Variants in GPAM observed in about 807,000 individuals in gnomAD.
The protein encoded by GPAM is glycerol-3-phosphate acyltransferase 1, mitochondrial.
Under a neutral mutation model 105.0 loss-of-function variants are expected in GPAM, and 56 were observed. That is an observed-to-expected ratio of 0.53 (90% CI 0.43 to 0.67). The LOEUF (loss-of-function observed/expected upper bound fraction) is 0.67. Among genes scored for constraint, GPAM ranks in the 30% least tolerant of loss-of-function variants. The probability of loss-of-function intolerance (pLI) is 0.00; values close to 1 mark genes in which losing one functional copy is unlikely to be tolerated. For missense variants in GPAM, 855 were observed against 989.8 expected (o/e 0.86, Z 1.83); for synonymous variants, 368 against 354.4 (o/e 1.04, Z -0.43).
intron 6 of GPAM, among the ~76,000 whole-genome samples, chr10:112,175,198 T>G (rs190755151): frequency 6.6e-6 from 1 of 152,196 alleles, no homozygotes; most frequent in Non-Finnish European, 1.5e-5. Context: ...GTACAAGAAT[T>G]TGTACCTAGA....
chr10:112,225,112 G>C, the GPAM span, among the ~76,000 whole-genome samples: 1 of 152,252 alleles, frequency 6.6e-6, no homozygotes, highest in East Asian at 1.9e-4. Context: ...AGGGGTCTCC[G>C]CCAGAATGGG....
intron 14 of GPAM, among the ~76,000 whole-genome samples, chr10:112,162,618 G>A (rs749282627): frequency 6.6e-5 from 10 of 151,844 alleles, no homozygotes; most frequent in Non-Finnish European, 1.0e-4. Context: ...AACTGAAGTC[G>A]TCTCCAGTGT....
upstream of GPAM, among the ~76,000 whole-genome samples, chr10:112,215,962 G>C (rs1319423997): frequency 6.6e-6 from 1 of 152,140 alleles, no homozygotes; most frequent in Non-Finnish European, 1.5e-5. Context: ...TTATTGCTCT[G>C]TTCGGCTTAT....
chr10:112,195,802 C>A (rs1201940530), intron 1 of GPAM, among the ~76,000 whole-genome samples: 2 of 152,174 alleles, frequency 1.3e-5, no homozygotes, highest in African/African-American at 2.4e-5. Context: ...GGGTGCATGG[C>A]TGTTATAACT....
chr10:112,160,981 T>A, intron 15 of GPAM, 113 bp from the exon 16 acceptor site: 2 of 864,864 alleles, frequency 2.3e-6, no homozygotes, highest in Non-Finnish European at 1.9e-6. Context: ...AGCTCACTGC[T>A]AGCACATAGA....
chr10:112,200,912 C>T (rs1267364852), intron 1 of GPAM, among the ~76,000 whole-genome samples: 2 of 152,154 alleles, frequency 1.3e-5, no homozygotes, highest in Non-Finnish European at 2.9e-5. Flanking sequence ...GGGCTGTCCA[C>T]AACTGTTCAA....
intron 11 of GPAM, 140 bp from the exon 12 acceptor site, chr10:112,166,655 G>A (rs1847223330): frequency 1.6e-5 from 11 of 698,634 alleles, no homozygotes; most frequent in South Asian, 1.2e-4. Context: ...AAGGAAAGGA[G>A]GTAATCATTA....
upstream of GPAM, among the ~76,000 whole-genome samples, chr10:112,187,036 T>G (rs1488419222): frequency 1.3e-5 from 2 of 152,214 alleles, no homozygotes; most frequent in African/African-American, 4.8e-5. Flanking sequence ...TAAACTGTAA[T>G]AAGTTAAAAA....
intron 1 of GPAM, among the ~76,000 whole-genome samples, chr10:112,195,076 C>G (rs534789383): frequency 6.6e-6 from 1 of 152,072 alleles, no homozygotes; most frequent in Non-Finnish European, 1.5e-5. Context: ...ACTGGCTACC[C>G]ATCCAGACAT....
chr10:112,174,903 C>T (rs1362666811), intron 6 of GPAM, among the ~76,000 whole-genome samples: 1 of 152,166 alleles, frequency 6.6e-6, no homozygotes, highest in Non-Finnish European at 1.5e-5. Context: ...GAAGAGTCTA[C>T]AGATGACACT....
At chr10:112,191,389 C>T (rs1847656727) in intron 1 of GPAM, among the ~76,000 whole-genome samples, 1 of 152,174 alleles carries the variant, frequency 6.6e-6, no homozygotes, top group Non-Finnish European at 1.5e-5. Context: ...GGTAGTATTT[C>T]ACGCTTCTAG....
At chr10:112,178,506 T>C (rs917195621) in intron 4 of GPAM, among the ~76,000 whole-genome samples, 3 of 152,078 alleles carry the variant, frequency 2.0e-5, no homozygotes, top group Non-Finnish European at 4.4e-5. Context: ...GCCAACACGA[T>C]GCCATTGTAC....
chr10:112,216,573 A>G (rs948361074), upstream of GPAM, among the ~76,000 whole-genome samples: 6 of 152,146 alleles, frequency 3.9e-5, no homozygotes, highest in African/African-American at 1.4e-4. Context: ...GGGAAAGGAG[A>G]AAAAGCAAAG....
In GPAM at chr10:112,152,130, T is replaced by C. The variant is rs1846930596; in HGVS notation, c.*1420A>G. 5 of 973,900 alleles carry C rather than the reference T, an allele frequency of 5.1e-6. No homozygotes were observed. Among genetic ancestry groups the C allele is most frequent in the Non-Finnish European group, 6.1e-6 (5 of 819,522 alleles). The allele number at this position is 973,900 out of a possible 1,614,324, so 60.3% of individuals were successfully genotyped here. A position where few individuals can be genotyped will look rare whatever the true frequency, so the allele number is the denominator to read the frequency against. ...CAAGCTTATGGAAGTACAAACTTAA[T>C]TCTCAGTACTTTTATACTAAATTCA... is the stretch of plus-strand genomic sequence containing the variant. On this transcript the variant is annotated 3_prime_UTR_variant, in exon 22 of 22. Transcript: ENST00000348367.
chr10:112,163,600 G>C (rs1847162304), intron 14 of GPAM, 101 bp downstream of exon 14: 2 of 712,466 alleles, frequency 2.8e-6, no homozygotes, highest in Non-Finnish European at 5.2e-6. Context: ...TGAATTAATA[G>C]AAGTGGAAAC....
intron 5 of GPAM, 91 bp from the exon 6 acceptor site, chr10:112,175,804 G>A: frequency 1.3e-6 from 1 of 776,650 alleles, no homozygotes; most frequent in Non-Finnish European, 2.2e-6. Context: ...TAAAAACAAA[G>A]CCTAATGTCA....
chr10:112,171,675 G>T (rs79569343), intron 9 of GPAM, among the ~76,000 whole-genome samples: 1 of 152,116 alleles, frequency 6.6e-6, no homozygotes. Flanking sequence ...TGAATGGAAC[G>T]CATTGAGGAA....
chr10:112,155,682 A>G, intron 20 of GPAM, 182 bp downstream of exon 20: 1 of 538,126 alleles, frequency 1.9e-6, no homozygotes. Context: ...AAAAAGCCAG[A>G]TGTAAGAGTG....
At chr10:112,154,748 G>A in intron 20 of GPAM, 61 bp from the exon 21 acceptor site, 1 of 1,255,742 alleles carries the variant, frequency 8.0e-7, no homozygotes, top group Non-Finnish European at 1.2e-6. Context: ...GACAATCCCA[G>A]CAGCCACAGT....
Sources: gnomAD v4.1 joint callset for allele counts (sites outside exome capture counted in the v4.1 genomes callset) on GRCh38, gnomAD v4.1.1 for gene constraint, MANE v1.5 for transcripts, NCBI Gene and HGNC (gene_info 2026-07-23, HGNC 2026-07-21) for gene names.